The following TPCN2 variants were observed in gnomAD, a reference collection of about 807,000 sequenced individuals.
TPCN2 encodes two pore channel protein 2.
A neutral mutation model predicts 111.4 loss-of-function variants in TPCN2; 92 were observed. The ratio of observed to expected loss-of-function variants is 0.83; its 90% CI spans 0.70 to 0.98. The LOEUF (loss-of-function observed/expected upper bound fraction) is 0.98. TPCN2 is among the 50% of genes least tolerant of loss of function. TPCN2 has a pLI of 0.00. For synonymous variants in TPCN2, 405 were observed against 414.5 expected, an observed-to-expected ratio of 0.98 and a Z score of 0.28; for missense variants, 995 against 980.1, an observed-to-expected ratio of 1.02 and a Z score of -0.20.
At chr11:69,070,737 G>A (rs1412966563) in intron 9 of TPCN2, among the ~76,000 whole-genome samples, 1 of 142,884 alleles carries the variant, frequency 7.0e-6, no homozygotes, top group Non-Finnish European at 1.5e-5. Flanking sequence ...TCACCCCAGG[G>A]ATCCCCCACC....
At chr11:69,076,989 C>T (rs1472132470) in intron 13 of TPCN2, among the ~76,000 whole-genome samples, 11 of 104,940 alleles carry the variant, frequency 1.0e-4, no homozygotes, top group African/African-American at 2.4e-4. Context: ...GTCCCTCCAC[C>T]TGCCCTCCTG....
chr11:69,082,087 C>T (rs888618610), intron 18 of TPCN2, among the ~76,000 whole-genome samples: 5 of 152,246 alleles, frequency 3.3e-5, no homozygotes, highest in South Asian at 2.1e-4. Flanking sequence ...CCTCTGTCCC[C>T]GTTCATCCTT....
At chr11:69,061,481 C>T (rs72919428) in intron 5 of TPCN2, among the ~76,000 whole-genome samples, 20,492 of 152,178 alleles carry the variant, frequency 0.13, 1,959 homozygotes, top group South Asian at 0.21. Flanking sequence ...GATTGACAGG[C>T]GCCAAAGTGT....
Position 69,054,086 on chromosome 11 carries a change from G to GA in TPCN2, c.164dup (p.Asp55GlufsTer128). ...TGATCAGGCTGTGGTCTTCATCGAAGATGCTATTCAGGTCGGTGGCACCTG... is the reference window on the plus strand; with the variant it reads ...TGATCAGGCTGTGGTCTTCATCGAAGAATGCTATTCAGGTCGGTGGCACCTG... On this transcript the variant is annotated frameshift_variant, in exon 2 of 25. Coordinates refer to ENST00000294309, the MANE Select transcript of TPCN2 (RefSeq NM_139075.4). LOFTEE classifies it high-confidence loss of function. The GA allele has an allele frequency of 6.2e-7, 1 of 1,613,534 alleles. No homozygotes were observed. Among genetic ancestry groups the GA allele is most frequent in the Non-Finnish European group, 8.5e-7 (1 of 1,179,966 alleles).
chr11:69,057,155 G>A (rs938767675), intron 4 of TPCN2, among the ~76,000 whole-genome samples: 2 of 152,222 alleles, frequency 1.3e-5, no homozygotes, highest in Non-Finnish European at 2.9e-5. Flanking sequence ...TTGATGGTGG[G>A]AAATGGCAGT....
At chr11:69,069,192 T>C in intron 8 of TPCN2, among the ~76,000 whole-genome samples, 1 of 139,050 alleles carries the variant, frequency 7.2e-6, no homozygotes, top group Non-Finnish European at 1.5e-5. Flanking sequence ...TCCTAGCAAG[T>C]GACACAGGGG....
Position 69,070,468 on chromosome 11 carries a change from A to G in TPCN2, c.868A>G (p.Ile290Val), listed in dbSNP as rs1368143744. ...PAYSKNRAYA[I>V]FFIVFTVIGS... ...GTATTCCAAGAACCGGGCCTATGCC[A>G]TCTTCTTCATAGTCTTCACTGTGAT... Residue 290 changes from isoleucine (I) to valine (V), a missense_variant, in exon 9 of 25, where the codon ATC becomes GTC. Ile to Val is a conservative substitution (Grantham distance 29). Transcript: ENST00000294309. 5 of 1,610,898 alleles carry G rather than the reference A, an allele frequency of 3.1e-6. No homozygotes were observed. The Admixed American group carries it at 6.7e-5, about 22-fold the overall frequency.
Position 69,089,400 on chromosome 11 carries a change from A to G in TPCN2, c.*1447A>G, listed in dbSNP as rs573797112. 1.3e-5 allele frequency: 2 copies of G among 152,344 alleles called. No homozygotes were observed. Among genetic ancestry groups the G allele is most frequent in the African/African-American group, 2.4e-5 (1 of 41,582 alleles). The allele number at this position is 152,344 out of a possible 1,614,324, so 9.4% of individuals were successfully genotyped here. ...TTGGGACGGCGTCCAACCCGCATTCATGTCAGGAGTGAGTCGCACGTGGCT... is the reference window on the plus strand; with the variant it reads ...TTGGGACGGCGTCCAACCCGCATTCGTGTCAGGAGTGAGTCGCACGTGGCT... On this transcript the variant is annotated 3_prime_UTR_variant, in exon 25 of 25. Transcript: ENST00000294309.
chr11:69,051,100 C>T (rs571899410), intron 1 of TPCN2, among the ~76,000 whole-genome samples: 1 of 152,354 alleles, frequency 6.6e-6, no homozygotes, highest in East Asian at 1.9e-4. Context: ...AGGCCCTGTG[C>T]TCTGGTTTGC....
intron 5 of TPCN2, among the ~76,000 whole-genome samples, chr11:69,061,565 G>C (rs781687041): frequency 2.6e-5 from 4 of 152,206 alleles, no homozygotes; most frequent in Non-Finnish European, 5.9e-5. Context: ...CCCAGCACAG[G>C]CGGATCGGGC....
At chr11:69,081,621 T>C (rs879913524) in intron 18 of TPCN2, 122 bp downstream of exon 18, 21 of 632,360 alleles carry the variant, frequency 3.3e-5, no homozygotes, top group Non-Finnish European at 5.2e-5. Context: ...CTGGGCTCCC[T>C]GGCTGCACCC....
intron 6 of TPCN2, 27 bp downstream of exon 6, chr11:69,063,017 A>T: frequency 6.3e-7 from 1 of 1,599,716 alleles, no homozygotes; most frequent in South Asian, 1.1e-5. Flanking sequence ...CTGGGCTCGC[A>T]GGGTTGGGAA....
chr11:69,072,943 T>C lies in TPCN2; in HGVS notation c.1172T>C (p.Leu391Pro). Residue 391 changes from leucine (L) to proline (P), a missense_variant, in exon 13 of 25, where the codon CTC (leucine) becomes CCC (proline). Transcript: ENST00000294309. ...GTGCGTTCCTATGGCAGTGTTCTGC[T>C]CTCAGCTGAGGAGTTTCAGAAGCTC... ...EKVRSYGSVL[L>P]SAEEFQKLFN... The C allele has an allele frequency of 1.2e-6, 2 of 1,613,944 alleles. No individual in the cohort carries two copies. The highest frequency in any genetic ancestry group is 8.5e-7 in the Non-Finnish European group (1 of 1,179,848).
intron 13 of TPCN2, among the ~76,000 whole-genome samples, chr11:69,074,284 T>C (rs1855660155): frequency 6.6e-6 from 1 of 152,248 alleles, no homozygotes; most frequent in Admixed American, 6.5e-5. Flanking sequence ...ACTTCGGGCA[T>C]CCTCTTTAGG....
intron 2 of TPCN2, chr11:69,054,456 G>T: frequency 1.8e-6 from 1 of 569,766 alleles, no homozygotes; most frequent in South Asian, 2.1e-5. Flanking sequence ...GCACAGCTGT[G>T]CTCTCAGCAA....
intron 5 of TPCN2, among the ~76,000 whole-genome samples, chr11:69,062,174 ATC>A (rs1284881885): frequency 6.6e-6 from 1 of 151,974 alleles, no homozygotes; most frequent in Non-Finnish European, 1.5e-5. Context: ...TAAAAACCAG[ATC>A]TCTCGTGAAC....
At chr11:69,069,991 CT>C (rs1252676687) in intron 8 of TPCN2, among the ~76,000 whole-genome samples, 2 of 151,288 alleles carry the variant, frequency 1.3e-5, no homozygotes, top group Non-Finnish European at 1.5e-5. Context: ...GACCTCCTTT[CT>C]TTTTTTTCCT....
Position 69,081,496 on chromosome 11 carries a change from G to T in TPCN2, c.1686G>T (p.Met562Ile). ...GCTTCCTGCGTATCATCCCCAGCAT[G>T]AAGGTGTGTGCCGGCCCCACCCCCA... ...VFRFLRIIPS[M>I]KLMAVVASTV... is the part of the protein sequence containing the mutation. Residue 562 changes from methionine (M) to isoleucine (I), a missense_variant, in exon 18 of 25, where the codon ATG becomes ATT. Met to Ile is a conservative substitution (Grantham distance 10). Coordinates refer to ENST00000294309, the MANE Select transcript of TPCN2 (RefSeq NM_139075.4). 6.4e-7 allele frequency: 1 copy of T among 1,560,378 alleles called. No individual in the cohort carries two copies. The highest frequency in any genetic ancestry group is 1.9e-5 in the Admixed American group (1 of 53,368).
In TPCN2 at chr11:69,054,701, A is replaced by C. The variant is rs779339413; in HGVS notation, c.175-20A>C. 6.2e-7 allele frequency: 1 copy of C among 1,613,406 alleles called. No homozygotes were observed. Among genetic ancestry groups the C allele is most frequent in the South Asian group, 1.1e-5 (1 of 91,034 alleles). On this transcript the variant is annotated intron_variant, in intron 2 of 24. Transcript: ENST00000294309. ...CCTGCATGCACCCATGTCATGCCTC[A>C]TGTGACTTTTCGCTTGTAGTACCGC...
Sources: gnomAD v4.1 joint callset for allele counts (sites outside exome capture counted in the v4.1 genomes callset) on GRCh38, gnomAD v4.1.1 for gene constraint, MANE v1.5 for transcripts, NCBI Gene and HGNC (gene_info 2026-07-23, HGNC 2026-07-21) for gene names.